Variants in HOXA7 observed in about 807,000 individuals in gnomAD.
The protein encoded by HOXA7 is homeobox protein Hox-A7.
HOXA7 carries 16 observed loss-of-function variants against 16.8 expected under a neutral mutation model. The observed-to-expected ratio is 0.95, with a 90% CI of 0.64 to 1.44. The LOEUF (loss-of-function observed/expected upper bound fraction) is 1.44, where lower values mean the gene tolerates loss of function less well. Among genes scored for constraint, HOXA7 ranks in the 40% most tolerant of loss-of-function variants. The pLI, the probability that HOXA7 is intolerant of heterozygous loss-of-function variation, is 0.00. For missense variants in HOXA7, 379 were observed against 328.6 expected, an observed-to-expected ratio of 1.15 and a Z score of -1.19; for synonymous variants, 169 against 144.3, an observed-to-expected ratio of 1.17 and a Z score of -1.23.
rs895788001 is a variant in HOXA7, at chr7:27,156,154, C to A, written c.379+13G>T. 3 of 1,496,882 alleles carry A rather than the reference C, an allele frequency of 2.0e-6. No homozygotes were observed. In the Admixed American group the frequency reaches 6.9e-5, roughly 35 times the overall value. The allele number at this position is 1,496,882 out of a possible 1,614,324, so 92.7% of individuals were successfully genotyped here. A position where few individuals can be genotyped will look rare whatever the true frequency, so the allele number is the denominator to read the frequency against. ...CGCTCCGCCAGCCTGGCCCGCCTAG[C>A]GACTGCGCCTACCTGAAGACCGCAT... On this transcript the variant is annotated intron_variant, in intron 1 of 1. Coordinates refer to ENST00000242159, the MANE Select transcript of HOXA7 (RefSeq NM_006896.4).
At chr7:27,155,765 G>C (rs1424188746) in intron 1 of HOXA7, 1 of 170,980 alleles carries the variant, frequency 5.8e-6, no homozygotes, top group Non-Finnish European at 1.2e-5. Context: ...CCTAGCTTTT[G>C]AGAAAGAAAT....
rs1783102804 is a variant in HOXA7 at position 27,156,173 on chromosome 7, A to C, written c.373T>G (p.Ser125Ala). Residue 125 changes from serine to alanine, a missense_variant, in exon 1 of 2, where the codon TCT (serine) becomes GCT (alanine). By Grantham distance (99) the Ser-to-Ala change is moderately conservative (BLOSUM62 1). Transcript: ENST00000242159. ...GCCTAGCGACTGCGCCTACCTGAAG[A>C]CCGCATCCAGGGGTAGATGCGGAAA... is the stretch of plus-strand genomic sequence containing the variant. ...ANFRIYPWMR[S>A]SGPDRKRGRQ... 6.4e-7 allele frequency: 1 copy of C among 1,558,326 alleles called. No individual in the cohort carries two copies. Among genetic ancestry groups the C allele is most frequent in the African/African-American group, 1.4e-5 (1 of 73,306 alleles).
At position 27,156,210 on chromosome 7, in the gene HOXA7, C is replaced by T. The variant is rs369136335; in HGVS notation, c.336G>A (p.Ala112=). The T allele has an allele frequency of 1.3e-5, 21 of 1,595,540 alleles. No individual in the cohort carries two copies. Among genetic ancestry groups the T allele is most frequent in the South Asian group, 1.2e-4 (11 of 89,848 alleles). ...GGTAGATGCGGAAATTGGCCTCAGC[C>T]GCGCCATGCAGCGCGCCCTCGTCCG... ...DKTDEGALHG[A]AEANFRIYPW... The change falls in exon 1 of 2, where the codon GCG becomes GCA. Residue 112 remains alanine (A), a synonymous_variant. Coordinates refer to ENST00000242159, the MANE Select transcript of HOXA7 (RefSeq NM_006896.4).
Position 27,154,716 on chromosome 7 carries a change from T to C in HOXA7, c.*193A>G. On this transcript the variant is annotated 3_prime_UTR_variant, in exon 2 of 2. Transcript: ENST00000242159. ...CGACCCAGTCTCTGCGGCCGCTCAGTCCACAAAAGTTGGGAGCTGGAGTAG... is the reference window on the plus strand; with the variant it reads ...CGACCCAGTCTCTGCGGCCGCTCAGCCCACAAAAGTTGGGAGCTGGAGTAG... 1 of 790,816 alleles carries C rather than the reference T, an allele frequency of 1.3e-6. No individual in the cohort carries two copies. Among genetic ancestry groups the C allele is most frequent in the South Asian group, 2.0e-5 (1 of 50,368 alleles). 49.0% of individuals were successfully genotyped at this position (790,816 alleles called of 1,614,324 possible).
chr7:27,156,659 A>T lies in HOXA7; in HGVS notation c.-114T>A. 1 of 1,213,650 alleles carries T rather than the reference A, an allele frequency of 8.2e-7. No individual in the cohort carries two copies. The highest frequency in any genetic ancestry group is 2.4e-5 in the East Asian group (1 of 41,844). 75.2% of individuals were successfully genotyped at this position (1,213,650 alleles called of 1,614,324 possible). On this transcript the variant is annotated 5_prime_UTR_variant, in exon 1 of 2. Coordinates refer to ENST00000242159, the MANE Select transcript of HOXA7 (RefSeq NM_006896.4). ...TACACCAAACCCCATTTTCTTTTGGACGGAGCTCGCCGCAGCACGTGACCG... is the reference window on the plus strand; with the variant it reads ...TACACCAAACCCCATTTTCTTTTGGTCGGAGCTCGCCGCAGCACGTGACCG...
intron 1 of HOXA7, chr7:27,155,443 G>A (rs1398340548): frequency 5.6e-5 from 32 of 572,440 alleles, no homozygotes; most frequent in Admixed American, 9.1e-5. Context: ...ATGAGCAAAG[G>A]CACAGAATCT....
At chr7:27,155,638 C>T in intron 1 of HOXA7, 1 of 208,382 alleles carries the variant, frequency 4.8e-6, no homozygotes, top group Non-Finnish European at 9.8e-6. Context: ...GCAGCCTGAG[C>T]CCTCATCCCC....
chr7:27,156,185 G>C lies in HOXA7; in HGVS notation c.361C>G (p.Pro121Ala). Residue 121 changes from proline to alanine, a missense_variant, in exon 1 of 2, where the codon CCC (proline) becomes GCC (alanine). Physicochemically the swap from Pro to Ala is conservative, Grantham distance 27. Coordinates refer to ENST00000242159, the MANE Select transcript of HOXA7 (RefSeq NM_006896.4). Reference sequence around the variant, plus strand: ...CGCCTACCTGAAGACCGCATCCAGGGGTAGATGCGGAAATTGGCCTCAGCC... The same window carrying C: ...CGCCTACCTGAAGACCGCATCCAGGCGTAGATGCGGAAATTGGCCTCAGCC... ...GAAEANFRIY[P>A]WMRSSGPDRK... The C allele has an allele frequency of 6.3e-7, 1 of 1,578,086 alleles. No homozygotes were observed. Among genetic ancestry groups the C allele is most frequent in the Non-Finnish European group, 8.6e-7 (1 of 1,161,148 alleles).
In HOXA7 at chr7:27,156,661, G is replaced by T. The variant is rs1583421769; in HGVS notation, c.-116C>A. The T allele has an allele frequency of 1.7e-5, 20 of 1,177,900 alleles. 1 individual carries two copies. The East Asian group carries it at 4.8e-4, about 28-fold the overall frequency. 73.0% of individuals were successfully genotyped at this position (1,177,900 alleles called of 1,614,324 possible). On this transcript the variant is annotated 5_prime_UTR_variant, in exon 1 of 2. Transcript: ENST00000242159. ...CACCAAACCCCATTTTCTTTTGGAC[G>T]GAGCTCGCCGCAGCACGTGACCGCC...
chr7:27,156,096 G>A (rs960780142), intron 1 of HOXA7, 71 bp downstream of exon 1: 1 of 1,372,212 alleles, frequency 7.3e-7, no homozygotes, highest in Non-Finnish European at 9.4e-7. Flanking sequence ...CGCGCTCCGC[G>A]CTCCCCAGCG....
Position 27,156,557 on chromosome 7 carries a change from G to C in HOXA7, c.-12C>G. 1.9e-6 allele frequency: 3 copies of C among 1,553,916 alleles called. No individual in the cohort carries two copies. Among genetic ancestry groups the C allele is most frequent in the Non-Finnish European group, 2.6e-6 (3 of 1,147,110 alleles). On this transcript the variant is annotated 5_prime_UTR_variant, in exon 1 of 2. Coordinates refer to ENST00000242159, the MANE Select transcript of HOXA7 (RefSeq NM_006896.4). ...TACGAAGAACTCATAATTTTGACCTGTGATTTGTTGTCCGGCAGCTTTCAG... is the reference window on the plus strand; with the variant it reads ...TACGAAGAACTCATAATTTTGACCTCTGATTTGTTGTCCGGCAGCTTTCAG...
intron 1 of HOXA7, 78 bp downstream of exon 1, chr7:27,156,089 G>T: frequency 7.3e-7 from 1 of 1,366,878 alleles, no homozygotes; most frequent in Non-Finnish European, 9.4e-7. Flanking sequence ...CGCGCCCCGC[G>T]CTCCGCGCTC....
chr7:27,154,535 GA>G lies in HOXA7; in HGVS notation c.*373del, dbSNP rs1261382491. The G allele has an allele frequency of 2.9e-5, 6 of 206,604 alleles. No homozygotes were observed. The highest frequency in any genetic ancestry group is 4.9e-5 in the Non-Finnish European group (5 of 102,000). 12.8% of individuals were successfully genotyped at this position (206,604 alleles called of 1,614,324 possible). A position where few individuals can be genotyped will look rare whatever the true frequency, so the allele number is the denominator to read the frequency against. On this transcript the variant is annotated 3_prime_UTR_variant, in exon 2 of 2. Coordinates refer to ENST00000242159, the MANE Select transcript of HOXA7 (RefSeq NM_006896.4). ...GTTGGGATACATAGGGACTTCCTGG[GA>G]ATGGAGGCCCTCTGGGGCTGGATAC... is the stretch of plus-strand genomic sequence containing the variant.
At position 27,154,936 on chromosome 7, in the gene HOXA7, A is replaced by T; in HGVS notation, c.666T>A (p.Asp222Glu). 1 of 1,611,078 alleles carries T rather than the reference A, an allele frequency of 6.2e-7. No individual in the cohort carries two copies. The highest frequency in any genetic ancestry group is 8.5e-7 in the Non-Finnish European group (1 of 1,177,896). The stretch of plus-strand genomic sequence containing the variant: ...ATTCCTCCTCGTCTTCCTCTTCTTC[A>T]TCATCGTCCTCCTCGTCGGCCTTGT... ...AADKADEEDD[D>E]EEEEDEEE The change falls in exon 2 of 2, where the codon GAT becomes GAA. Residue 222 changes from aspartate to glutamate, a missense_variant. By Grantham distance (45) the Asp-to-Glu change is conservative. Coordinates refer to ENST00000242159, the MANE Select transcript of HOXA7 (RefSeq NM_006896.4).
rs1443072947 is a variant in HOXA7, at chr7:27,155,481, G to A, written c.380-259C>T. The A allele has an allele frequency of 7.6e-6, 4 of 524,586 alleles. No homozygotes were observed. In the Admixed American group the frequency reaches 9.8e-5, roughly 13 times the overall value. The allele number at this position is 524,586 out of a possible 1,614,324, so 32.5% of individuals were successfully genotyped here. A position where few individuals can be genotyped will look rare whatever the true frequency, so the allele number is the denominator to read the frequency against. ...ACTTTACAACCGACCTTTCCAGCCGGCTAAGCTTCCACAATGTCCTGCTTC... is the reference window on the plus strand; with the variant it reads ...ACTTTACAACCGACCTTTCCAGCCGACTAAGCTTCCACAATGTCCTGCTTC... On this transcript the variant is annotated intron_variant, in intron 1 of 1. Transcript: ENST00000242159.
In HOXA7 at chr7:27,156,281, T is replaced by C; in HGVS notation, c.265A>G (p.Ile89Val). The C allele has an allele frequency of 4.3e-6, 7 of 1,613,450 alleles. No homozygotes were observed. Among genetic ancestry groups the C allele is most frequent in the Non-Finnish European group, 5.9e-6 (7 of 1,179,812 alleles). The part of the protein sequence containing the change: ...NLPCASYDQN[I>V]PGLCSDLAKG... ...GCGAGGTCACTGCAGAGCCCGGGGA[T>C]GTTTTGGTCGTAGGAGGCGCAGGGC... The change falls in exon 1 of 2, where the codon ATC becomes GTC. Residue 89 changes from isoleucine (I) to valine (V), a missense_variant. Coordinates refer to ENST00000242159, the MANE Select transcript of HOXA7 (RefSeq NM_006896.4).
rs1783071168 is a variant in HOXA7, at chr7:27,154,705, C to T, written c.*204G>A. Reference sequence around the variant, plus strand: ...GGAATCCAAGGCGACCCAGTCTCTGCGGCCGCTCAGTCCACAAAAGTTGGG... The same window carrying T: ...GGAATCCAAGGCGACCCAGTCTCTGTGGCCGCTCAGTCCACAAAAGTTGGG... On this transcript the variant is annotated 3_prime_UTR_variant, in exon 2 of 2. Transcript: ENST00000242159. The T allele has an allele frequency of 4.2e-6, 3 of 717,516 alleles. No homozygotes were observed. The highest frequency in any genetic ancestry group is 5.6e-5 in the East Asian group (2 of 35,414). The allele number at this position is 717,516 out of a possible 1,614,324, so 44.4% of individuals were successfully genotyped here.
At position 27,154,663 on chromosome 7, in the gene HOXA7, G is replaced by A. The variant is rs1783070284; in HGVS notation, c.*246C>T. 1.2e-5 allele frequency: 7 copies of A among 570,342 alleles called. No individual in the cohort carries two copies. Among genetic ancestry groups the A allele is most frequent in the Non-Finnish European group, 2.1e-5 (7 of 334,140 alleles). The allele number at this position is 570,342 out of a possible 1,614,324, so 35.3% of individuals were successfully genotyped here. ...GCCTGGGGTTGGGGGTGTCTTTTGG[G>A]GTCCTCGGAGGCAGAGGGAATCCAA... is the stretch of plus-strand genomic sequence containing the variant. On this transcript the variant is annotated 3_prime_UTR_variant, in exon 2 of 2. Coordinates refer to ENST00000242159, the MANE Select transcript of HOXA7 (RefSeq NM_006896.4).
chr7:27,155,265 G>T (rs1193226743), intron 1 of HOXA7, 43 bp from the exon 2 acceptor site: 1 of 1,573,962 alleles, frequency 6.4e-7, no homozygotes, highest in South Asian at 1.1e-5. Context: ...GGACAGACAA[G>T]TAGACAGGGC....
Sources: allele counts gnomAD v4.1 joint callset, GRCh38; gene constraint gnomAD v4.1.1; transcripts MANE v1.5; gene names NCBI Gene and HGNC (gene_info 2026-07-23, HGNC 2026-07-21).